The following FBN1 variants were observed in gnomAD, a reference collection of about 807,000 sequenced individuals.
FBN1 encodes fibrillin 1.
FBN1 carries 29 observed loss-of-function variants against 365.1 expected under a neutral mutation model. That is an observed-to-expected ratio of 0.08 (90% CI 0.06 to 0.11). FBN1 has a LOEUF of 0.11. FBN1 is among the 10% of genes least tolerant of loss of function. FBN1 has a pLI of 1.00. For missense variants in FBN1, 2,476 were observed against 3,703.2 expected, an observed-to-expected ratio of 0.67 and a Z score of 8.60; for synonymous variants, 1,210 against 1,270.5, an observed-to-expected ratio of 0.95 and a Z score of 1.01.
At chr15:48,454,737 T>C (rs2043226743) in intron 44 of FBN1, among the ~76,000 whole-genome samples, 1 of 152,206 alleles carries the variant, frequency 6.6e-6, no homozygotes, top group Non-Finnish European at 1.5e-5. Flanking sequence ...CGATGCCTCT[T>C]GGGCGTGATT....
At chr15:48,635,090 T>C (rs1303685116) in intron 2 of FBN1, among the ~76,000 whole-genome samples, 3 of 152,220 alleles carry the variant, frequency 2.0e-5, no homozygotes, top group Admixed American at 6.5e-5. Context: ...GATACTTATA[T>C]TTGAATGTAA....
chr15:48,438,907 A>G (rs2043092623), intron 50 of FBN1, among the ~76,000 whole-genome samples: 1 of 152,164 alleles, frequency 6.6e-6, no homozygotes, highest in Non-Finnish European at 1.5e-5. Flanking sequence ...TCCTCTCATT[A>G]CACAGAGGCC....
At chr15:48,491,840 C>T (rs954218037) in intron 24 of FBN1, among the ~76,000 whole-genome samples, 1 of 152,180 alleles carries the variant, frequency 6.6e-6, no homozygotes, top group African/African-American at 2.4e-5. Flanking sequence ...ACCTTAGATG[C>T]ATGAGATGTG....
chr15:48,610,940 T>C, intron 3 of FBN1, 114 bp from the exon 4 acceptor site: 4 of 784,754 alleles, frequency 5.1e-6, no homozygotes, highest in Admixed American at 2.0e-5. Flanking sequence ...AACTTTGCTA[T>C]CATGACTTAT....
chr15:48,533,785 T>G (rs935427819), intron 8 of FBN1, among the ~76,000 whole-genome samples: 1 of 152,208 alleles, frequency 6.6e-6, no homozygotes, highest in Non-Finnish European at 1.5e-5. Context: ...CAAAAACATG[T>G]GTGTTGAACA....
intron 6 of FBN1, among the ~76,000 whole-genome samples, chr15:48,575,392 T>A (rs1222211767): frequency 4.6e-5 from 7 of 152,230 alleles, no homozygotes; most frequent in Non-Finnish European, 8.8e-5. Flanking sequence ...GCAGGTTTCT[T>A]ACATGCACAT....
intron 9 of FBN1, among the ~76,000 whole-genome samples, chr15:48,521,440 T>C (rs189208899): frequency 9.8e-5 from 15 of 152,354 alleles, no homozygotes; most frequent in South Asian, 4.1e-4. Context: ...TAGTTATTTA[T>C]AACTTCAAAA....
chr15:48,614,677 T>A (rs1889617449), intron 2 of FBN1, among the ~76,000 whole-genome samples: 1 of 152,074 alleles, frequency 6.6e-6, no homozygotes, highest in Admixed American at 6.5e-5. Context: ...AGGAAATGAT[T>A]GGATAGAGGT....
At chr15:48,492,361 G>T in intron 24 of FBN1, 100 bp downstream of exon 24, 1 of 1,204,836 alleles carries the variant, frequency 8.3e-7, no homozygotes, top group Non-Finnish European at 1.2e-6. Flanking sequence ...TGGAGTGTGT[G>T]TCTGTACCTG....
At chr15:48,508,555 C>T in intron 15 of FBN1, 27 bp downstream of exon 15, 3 of 1,613,484 alleles carry the variant, frequency 1.9e-6, no homozygotes, top group Non-Finnish European at 2.5e-6. Flanking sequence ...ACGTGAAGAA[C>T]ATGATCTAGG....
chr15:48,428,285 G>T, intron 57 of FBN1, 61 bp downstream of exon 57: 1 of 1,591,746 alleles, frequency 6.3e-7, no homozygotes, highest in African/African-American at 1.3e-5. Context: ...AAGAAGTCTG[G>T]GTTTCCAGCA....
At position 48,411,266 on chromosome 15, in the gene FBN1, G is replaced by C. The variant is rs1253677659; in HGVS notation, c.8340C>G (p.Leu2780=). 2.5e-6 allele frequency: 4 copies of C among 1,613,962 alleles called. No homozygotes were observed. The highest frequency in any genetic ancestry group is 1.7e-5 in the Admixed American group (1 of 59,996). ...HVSNKVRILE[L]LPALTTLTNH... ...TCGTCAGAGTTGTAAGAGCTGGAAG[G>C]AGTTCTAGGATTCGAACCTTGTTAC... Residue 2780 remains leucine, a synonymous_variant, in exon 66 of 66, where the codon CTC becomes CTG. Transcript: ENST00000316623.
chr15:48,445,393 T>C lies in FBN1; in HGVS notation c.5900A>G (p.Asp1967Gly). Reference sequence around the variant, plus strand: ...GTACTTACCCACACAGGTCCTCCCATCTGGAGCCACCTCATAGCCTTCATT... The same window carrying C: ...GTACTTACCCACACAGGTCCTCCCACCTGGAGCCACCTCATAGCCTTCATT... ...QCNEGYEVAP[D>G]GRTCVDINEC... is the part of the protein sequence containing the mutation. Residue 1967 changes from aspartate (D) to glycine (G), a missense_variant, in exon 48 of 66, where the codon GAT becomes GGT. Physicochemically the swap from Asp to Gly is moderately conservative, Grantham distance 94. This residue lies in a region of FBN1 where 1,780 missense variants were observed against 2,840.8 expected (regional missense o/e 0.63). Transcript: ENST00000316623. 1 of 1,612,714 alleles carries C rather than the reference T, an allele frequency of 6.2e-7. No homozygotes were observed. The highest frequency in any genetic ancestry group is 8.5e-7 in the Non-Finnish European group (1 of 1,179,174).
intron 27 of FBN1, 126 bp from the exon 28 acceptor site, chr15:48,487,563 T>G: frequency 7.5e-7 from 1 of 1,324,750 alleles, no homozygotes; most frequent in Non-Finnish European, 1.1e-6. Context: ...GACAACTCTC[T>G]GGTGCTATTC....
chr15:48,612,980 T>G (rs745535403), intron 3 of FBN1, 30 bp downstream of exon 3: 2 of 1,532,534 alleles, frequency 1.3e-6, no homozygotes, highest in Non-Finnish European at 1.8e-6. Context: ...AAGAAGGACA[T>G]GCAGAATGAC....
chr15:48,561,481 T>C (rs1479908670), intron 6 of FBN1, among the ~76,000 whole-genome samples: 1 of 152,220 alleles, frequency 6.6e-6, no homozygotes, highest in Non-Finnish European at 1.5e-5. Context: ...CCAGTTCCTA[T>C]GGCCAAACAG....
At chr15:48,580,931 C>G (rs1258869724) in intron 6 of FBN1, among the ~76,000 whole-genome samples, 1 of 152,162 alleles carries the variant, frequency 6.6e-6, no homozygotes, top group Non-Finnish European at 1.5e-5. Context: ...AAACTGCATG[C>G]ACTTGTATAG....
In FBN1 at chr15:48,487,441, C is replaced by A. The variant is rs777037092; in HGVS notation, c.3338-4G>T. ...TCTCTCTGACACTCATCAATATCTG[C>A]AAAATGGAAATGACCATGTTAAAGG... On this transcript the variant is annotated splice_region_variant and splice_polypyrimidine_tract_variant and intron_variant, in intron 27 of 65. Transcript: ENST00000316623. 1.9e-6 allele frequency: 3 copies of A among 1,613,832 alleles called. No homozygotes were observed. Among genetic ancestry groups the A allele is most frequent in the Non-Finnish European group, 2.5e-6 (3 of 1,179,952 alleles).
intron 54 of FBN1, 55 bp from the exon 55 acceptor site, chr15:48,433,043 C>T (rs1212933262): frequency 3.1e-6 from 5 of 1,600,890 alleles, no homozygotes; most frequent in Non-Finnish European, 4.3e-6. Flanking sequence ...CAAAAGGGAA[C>T]CTACCAATTG....
Sources: gnomAD v4.1 joint callset for allele counts (sites outside exome capture counted in the v4.1 genomes callset) on GRCh38, gnomAD v4.1.1 for gene constraint, gnomAD v4.1.1 regional missense constraint, MANE v1.5 for transcripts, NCBI Gene and HGNC (gene_info 2026-07-23, HGNC 2026-07-21) for gene names.